SMG6: variants seen among roughly 807,000 people sequenced by gnomAD.
SMG6 encodes SMG6 nonsense mediated mRNA decay factor.
A neutral mutation model predicts 142.2 loss-of-function variants in SMG6; 66 were observed. That is an observed-to-expected ratio of 0.46 (90% CI 0.38 to 0.57). The LOEUF is 0.57. SMG6 is among the 20% of genes least tolerant of loss of function. The probability of loss-of-function intolerance (pLI) is 0.00; values close to 1 mark genes in which losing one functional copy is unlikely to be tolerated. For missense variants in SMG6, 1,793 were observed against 1,832.0 expected (o/e 0.98, Z 0.39); for synonymous variants, 779 against 702.4 (o/e 1.11, Z -1.72).
chr17:2,118,183 C>A (rs1314932550), intron 13 of SMG6, among the ~76,000 whole-genome samples: 1 of 152,010 alleles, frequency 6.6e-6, no homozygotes. Flanking sequence ...GTTGAGGCTG[C>A]AGTGAGTCAT....
intron 13 of SMG6, among the ~76,000 whole-genome samples, chr17:2,100,879 T>C (rs541691927): frequency 6.4e-4 from 95 of 148,842 alleles, no homozygotes; most frequent in African/African-American, 2.2e-3. Context: ...CTTGAACTCC[T>C]AGGCTCAAGA....
chr17:2,224,627 T>C (rs1010385730), intron 10 of SMG6, among the ~76,000 whole-genome samples: 1 of 152,086 alleles, frequency 6.6e-6, no homozygotes, highest in African/African-American at 2.4e-5. Context: ...CTGATGTATG[T>C]CTTATCAGGG....
intron 10 of SMG6, among the ~76,000 whole-genome samples, chr17:2,224,753 T>C (rs2073269142): frequency 6.6e-6 from 1 of 150,862 alleles, no homozygotes; most frequent in Non-Finnish European, 1.5e-5. Context: ...CCAACCAACC[T>C]CATAGGTTAC....
chr17:2,072,284 A>C (rs1225069810), intron 15 of SMG6, among the ~76,000 whole-genome samples: 1 of 152,178 alleles, frequency 6.6e-6, no homozygotes, highest in Non-Finnish European at 1.5e-5. Flanking sequence ...GAACCTTCTA[A>C]CAGCAGCTGA....
rs764394898 is a variant in SMG6 at position 2,172,702 on chromosome 17, C to T, written c.3313G>A (p.Ala1105Thr). Residue 1105 changes from alanine to threonine, a missense_variant, in exon 13 of 19, where the codon GCT becomes ACT. Around this residue, in one of 3 missense-constraint regions of SMG6, gnomAD observed 1,597 missense variants for 1,584.6 expected, o/e 1.01. Coordinates refer to ENST00000263073, the MANE Select transcript of SMG6 (RefSeq NM_017575.5). ...RLLSGFVPLL[A>T]APQDPCYVEK... ...ACGTAGCAGGGGTCCTGAGGGGCAG[C>T]CAGCAAGGGGACAAAGCCCGAGAGA... 6.2e-7 allele frequency: 1 copy of T among 1,613,954 alleles called. No individual in the cohort carries two copies. Among genetic ancestry groups the T allele is most frequent in the South Asian group, 1.1e-5 (1 of 91,058 alleles).
rs1192699021 is a variant in SMG6 at position 2,268,717 on chromosome 17, C to A, written c.2661+13930G>T. On this transcript the variant is annotated intron_variant, in intron 8 of 18. Coordinates refer to ENST00000263073, the MANE Select transcript of SMG6 (RefSeq NM_017575.5). ...ACAAGGTAAGGAGATCGAGACCATC[C>A]TGGCTAATATGGTGAAACCCCATCT... Among the ~76,000 whole-genome samples, 3 of 151,886 alleles carry A rather than the reference C, an allele frequency of 2.0e-5. No homozygotes were observed. The East Asian group carries it at 5.8e-4, about 29-fold the overall frequency.
chr17:2,191,914 T>C (rs971213442), intron 10 of SMG6, among the ~76,000 whole-genome samples: 1 of 152,252 alleles, frequency 6.6e-6, no homozygotes, highest in Non-Finnish European at 1.5e-5. Flanking sequence ...ATTAGTGCTA[T>C]ACATCTTTCA....
At chr17:2,157,722 C>T (rs2151616639) in intron 13 of SMG6, among the ~76,000 whole-genome samples, 1 of 152,330 alleles carries the variant, frequency 6.6e-6, no homozygotes, top group Non-Finnish European at 1.5e-5. Flanking sequence ...TGATCTTCAT[C>T]AGGAGGTGTT....
At chr17:2,070,314 G>A (rs1050709520) in intron 15 of SMG6, among the ~76,000 whole-genome samples, 5 of 152,238 alleles carry the variant, frequency 3.3e-5, no homozygotes, top group African/African-American at 9.6e-5. Context: ...GAACTGATCT[G>A]CTGGCATCTG....
intron 13 of SMG6, among the ~76,000 whole-genome samples, chr17:2,157,964 CAA>C (rs1485876824): frequency 6.6e-6 from 1 of 152,174 alleles, no homozygotes; most frequent in East Asian, 1.9e-4. Flanking sequence ...CATTTCTAAC[CAA>C]AGTCACAGGA....
chr17:2,207,404 G>GT (rs1401173433), intron 10 of SMG6, among the ~76,000 whole-genome samples: 1 of 152,132 alleles, frequency 6.6e-6, no homozygotes, highest in Non-Finnish European at 1.5e-5. Context: ...TAATGCAGTT[G>GT]TTTAGTCAAC....
intron 13 of SMG6, among the ~76,000 whole-genome samples, chr17:2,160,439 G>A (rs867160364): frequency 6.6e-6 from 1 of 152,052 alleles, no homozygotes; most frequent in South Asian, 2.1e-4. Context: ...GGCTAGTCTC[G>A]AACCCCTGAC....
chr17:2,242,756 T>C (rs1348039495), intron 9 of SMG6, among the ~76,000 whole-genome samples: 1 of 149,646 alleles, frequency 6.7e-6, no homozygotes, highest in Non-Finnish European at 1.5e-5. Flanking sequence ...ACTGTCACTT[T>C]AAGTGTAGCA....
chr17:2,090,777 C>G (rs3760230), intron 13 of SMG6, among the ~76,000 whole-genome samples: 83,118 of 152,096 alleles, frequency 0.55, 23,231 homozygotes, highest in Admixed American at 0.63. Context: ...GGTTGTTTTT[C>G]TTGTTTCTCT....
At chr17:2,115,382 A>G (rs1328998250) in intron 13 of SMG6, among the ~76,000 whole-genome samples, 1 of 152,184 alleles carries the variant, frequency 6.6e-6, no homozygotes, top group East Asian at 1.9e-4. Context: ...CAGGATACCA[A>G]TCTAAGGAAT....
intron 8 of SMG6, among the ~76,000 whole-genome samples, chr17:2,257,824 C>CA: frequency 6.6e-6 from 1 of 151,240 alleles, no homozygotes. Flanking sequence ...CCAGCCTGAC[C>CA]AAATGGCGAA....
intron 8 of SMG6, among the ~76,000 whole-genome samples, chr17:2,254,439 A>G (rs930392728): frequency 6.6e-6 from 1 of 152,208 alleles, no homozygotes; most frequent in Non-Finnish European, 1.5e-5. Flanking sequence ...GGTTCAAGCA[A>G]CAATCGTGCC....
chr17:2,258,550 C>G (rs761015941), intron 8 of SMG6, among the ~76,000 whole-genome samples: 7 of 132,354 alleles, frequency 5.3e-5, no homozygotes, highest in Admixed American at 1.7e-4. Context: ...GAGTAAGACT[C>G]TGTCTCAAAA....
chr17:2,266,691 A>C (rs904256232), intron 8 of SMG6, among the ~76,000 whole-genome samples: 5 of 152,206 alleles, frequency 3.3e-5, no homozygotes, highest in African/African-American at 1.2e-4. Context: ...ATATTGAAAC[A>C]AAACGGATAG....
Sources: gnomAD v4.1 joint callset for allele counts (sites outside exome capture counted in the v4.1 genomes callset) on GRCh38, gnomAD v4.1.1 for gene constraint, gnomAD v4.1.1 regional missense constraint, MANE v1.5 for transcripts, NCBI Gene and HGNC (gene_info 2026-07-23, HGNC 2026-07-21) for gene names.